The following SH3TC2 variants were observed in gnomAD, a reference collection of about 807,000 sequenced individuals.
The protein encoded by SH3TC2 is SH3 domain and tetratricopeptide repeats 2, also known as SH3 domain and tetratricopeptide repeat-containing protein 2.
A neutral mutation model predicts 124.5 loss-of-function variants in SH3TC2; 87 were observed. That is an observed-to-expected ratio of 0.70 (90% CI 0.59 to 0.84). SH3TC2 has a LOEUF of 0.84. Among genes scored for constraint, SH3TC2 ranks in the 40% least tolerant of loss-of-function variants. SH3TC2 has a pLI of 0.00. For missense variants in SH3TC2, 1,536 were observed against 1,566.4 expected (o/e 0.98, Z 0.33); for synonymous variants, 634 against 628.5 (o/e 1.01, Z -0.13).
intron 7 of SH3TC2, 100 bp from the exon 8 acceptor site, chr5:149,038,590 G>A: frequency 8.0e-7 from 1 of 1,252,250 alleles, no homozygotes; most frequent in East Asian, 2.3e-5. Flanking sequence ...CCAGACTTTA[G>A]AATGTCAAGG....
intron 8 of SH3TC2, chr5:149,035,809 A>C (rs2127399479): frequency 6.6e-6 from 1 of 152,292 alleles, no homozygotes; most frequent in African/African-American, 2.4e-5. Context: ...CTTACAACTA[A>C]GCCAGTGAAA....
In SH3TC2 at chr5:149,052,039, C is replaced by T; in HGVS notation, c.151+103G>A. On this transcript the variant is annotated intron_variant, in intron 2 of 16. Coordinates refer to ENST00000515425, the MANE Select transcript of SH3TC2 (RefSeq NM_024577.4). ...GCAAATAGCATAGTCAAAATCTTTT[C>T]ATCAAGAGGGAAAGAGGGAGGGGCT... is the stretch of plus-strand genomic sequence containing the variant. 1.0e-5 allele frequency: 9 copies of T among 858,628 alleles called. No individual in the cohort carries two copies. The South Asian group carries it at 1.1e-4, about 10-fold the overall frequency. The allele number at this position is 858,628 out of a possible 1,614,324, so 53.2% of individuals were successfully genotyped here. A position where few individuals can be genotyped will look rare whatever the true frequency, so the allele number is the denominator to read the frequency against.
At chr5:149,048,738 T>C (rs1316824549) in intron 2 of SH3TC2, among the ~76,000 whole-genome samples, 1 of 152,060 alleles carries the variant, frequency 6.6e-6, no homozygotes, top group Non-Finnish European at 1.5e-5. Flanking sequence ...AACATAATAG[T>C]TTCAGATGGA....
chr5:149,028,757 G>T, intron 9 of SH3TC2, 39 bp from the exon 10 acceptor site: 1 of 1,611,910 alleles, frequency 6.2e-7, no homozygotes, highest in Non-Finnish European at 8.5e-7. Context: ...GTTAGGTCAG[G>T]ATGGGCCACC....
rs769968712 is a variant in SH3TC2, at chr5:149,003,694, T to A, written c.*1017A>T. 3 of 389,178 alleles carry A rather than the reference T, an allele frequency of 7.7e-6. No homozygotes were observed. The highest frequency in any genetic ancestry group is 5.6e-5 in the South Asian group (3 of 53,558). The allele number at this position is 389,178 out of a possible 1,614,324, so 24.1% of individuals were successfully genotyped here. ...TGTAAAGCAGCTGCCCTGAAATCAA[T>A]AAGATGCCTTGTAGTTGGGTATGGC... On this transcript the variant is annotated 3_prime_UTR_variant, in exon 17 of 17. Transcript: ENST00000515425.
At position 148,992,069 on chromosome 5, in the gene SH3TC2, T is replaced by G. The variant is rs911452905; in HGVS notation, c.*12642A>C. Among the ~76,000 whole-genome samples the G allele has an allele frequency of 3.3e-5, 5 of 152,232 alleles. No individual in the cohort carries two copies. The highest frequency in any genetic ancestry group is 5.9e-5 in the Non-Finnish European group (4 of 68,042). On this transcript the variant is annotated 3_prime_UTR_variant, in exon 17 of 17. Coordinates refer to ENST00000515425, the MANE Select transcript of SH3TC2 (RefSeq NM_024577.4). ...AAAGCCCACCAGCTGCCACTTTGTATGACATAAAATTATCAGAACATGAAT... is the reference window on the plus strand; with the variant it reads ...AAAGCCCACCAGCTGCCACTTTGTAGGACATAAAATTATCAGAACATGAAT...
In SH3TC2 at chr5:149,003,871, A is replaced by C. The variant is rs1009669611; in HGVS notation, c.*840T>G. 3 of 372,954 alleles carry C rather than the reference A, an allele frequency of 8.0e-6. No individual in the cohort carries two copies. Among genetic ancestry groups the C allele is most frequent in the Non-Finnish European group, 1.6e-5 (3 of 189,338 alleles). The allele number at this position is 372,954 out of a possible 1,614,324, so 23.1% of individuals were successfully genotyped here. ...TCTCAAAAAAAAAAAAAAAAAAAAA[A>C]GACATGTATTGGTATTCTCTCCCAT... is the stretch of plus-strand genomic sequence containing the variant. On this transcript the variant is annotated 3_prime_UTR_variant, in exon 17 of 17. Transcript: ENST00000515425.
At chr5:149,024,107 C>G (rs1561763250) in intron 12 of SH3TC2, among the ~76,000 whole-genome samples, 1 of 152,114 alleles carries the variant, frequency 6.6e-6, no homozygotes, top group Non-Finnish European at 1.5e-5. Context: ...CACTAAAGAC[C>G]AAAAAGCCTG....
rs998304 is a variant in SH3TC2 at position 149,002,802 on chromosome 5, C to A, written c.*1909G>T. 0.23 allele frequency: 34,958 copies of A among 152,138 alleles called. 4,541 individuals are homozygous for A. The highest frequency in any genetic ancestry group is 0.32 in the African/African-American group (13,386 of 41,510). The allele number at this position is 152,138 out of a possible 1,614,324, so 9.4% of individuals were successfully genotyped here. On this transcript the variant is annotated 3_prime_UTR_variant, in exon 17 of 17. Coordinates refer to ENST00000515425, the MANE Select transcript of SH3TC2 (RefSeq NM_024577.4). Reference sequence around the variant, plus strand: ...AAAATGCATGTTCCTGGGATACATCCCAGATCTACTGAATCAGAATTATTA... The same window carrying A: ...AAAATGCATGTTCCTGGGATACATCACAGATCTACTGAATCAGAATTATTA...
intron 12 of SH3TC2, among the ~76,000 whole-genome samples, chr5:149,024,348 A>C (rs762457201): frequency 1.3e-5 from 2 of 152,230 alleles, no homozygotes; most frequent in Non-Finnish European, 2.9e-5. Flanking sequence ...TGTGCTAGAC[A>C]TAATGTCTGC....
In SH3TC2 at chr5:149,028,095, T is replaced by C; in HGVS notation, c.1637A>G (p.Gln546Arg). ...GGCCTCCTCGAAGTACACCCTGGCC[T>C]GAGAGAGTTTGACCTTCCTGATGCT... ...RLSIRKVKLS[Q>R]ARVYFEEAIH... The change falls in exon 11 of 17, where the codon CAG becomes CGG. Residue 546 changes from glutamine (Q) to arginine (R), a missense_variant. By Grantham distance (43) the Gln-to-Arg change is conservative. Coordinates refer to ENST00000515425, the MANE Select transcript of SH3TC2 (RefSeq NM_024577.4). 1 of 1,614,080 alleles carries C rather than the reference T, an allele frequency of 6.2e-7. No individual in the cohort carries two copies. Among genetic ancestry groups the C allele is most frequent in the South Asian group, 1.1e-5 (1 of 91,086 alleles).
chr5:149,027,790 G>T lies in SH3TC2; in HGVS notation c.1942C>A (p.Arg648=). 1 of 1,613,916 alleles carries T rather than the reference G, an allele frequency of 6.2e-7. No homozygotes were observed. Among genetic ancestry groups the T allele is most frequent in the Non-Finnish European group, 8.5e-7 (1 of 1,179,996 alleles). The part of the protein sequence containing the change: ...LAIRLLLSLG[R]HEEVLPFAER... ...GCAAAGGGCAGGACCTCCTCGTGCC[G>T]GCCTAGGCTCAGGAGCAAGCGGATG... The change falls in exon 11 of 17, where the codon CGG becomes AGG. Residue 648 remains arginine, a synonymous_variant. Coordinates refer to ENST00000515425, the MANE Select transcript of SH3TC2 (RefSeq NM_024577.4).
chr5:149,054,795 A>G (rs1754614091), intron 1 of SH3TC2, among the ~76,000 whole-genome samples: 1 of 152,110 alleles, frequency 6.6e-6, no homozygotes, highest in Non-Finnish European at 1.5e-5. Flanking sequence ...TCACTCATTT[A>G]CACCTGACCC....
chr5:149,031,566 C>A lies in SH3TC2; in HGVS notation c.1123G>T (p.Val375Phe). 1 of 1,614,150 alleles carries A rather than the reference C, an allele frequency of 6.2e-7. No homozygotes were observed. The highest frequency in any genetic ancestry group is 8.5e-7 in the Non-Finnish European group (1 of 1,180,030). The change falls in exon 9 of 17, where the codon GTC (valine) becomes TTC (phenylalanine). Residue 375 changes from valine (V) to phenylalanine (F), a missense_variant. Around this residue, in one of 3 missense-constraint regions of SH3TC2, gnomAD observed 1,102 missense variants for 1,098.6 expected, o/e 1.00. Transcript: ENST00000515425. ...GACCAACACTCACTGAGCCGGTAGA[C>A]AGATGTGATGTCAGTGCGAGCAAGA... The part of the protein sequence containing the change: ...HTLARTDITS[V>F]YRLSGFESIQ...
At chr5:149,008,703 C>G in intron 15 of SH3TC2, 148 bp downstream of exon 15, 4 of 1,103,056 alleles carry the variant, frequency 3.6e-6, no homozygotes, top group Non-Finnish European at 5.5e-6. Context: ...AGTTAAGCAA[C>G]TTGCTTAACT....
intron 8 of SH3TC2, among the ~76,000 whole-genome samples, chr5:149,034,786 A>G (rs895429726): frequency 2.0e-5 from 3 of 152,172 alleles, no homozygotes; most frequent in Non-Finnish European, 4.4e-5. Flanking sequence ...ATCAATAAAG[A>G]TGGTCAACAA....
In SH3TC2 at chr5:149,044,630, T is replaced by C; in HGVS notation, c.288A>G (p.Ser96=). 6.2e-7 allele frequency: 1 copy of C among 1,613,894 alleles called. No homozygotes were observed. The highest frequency in any genetic ancestry group is 8.5e-7 in the Non-Finnish European group (1 of 1,179,818). ...GAGACTGGATACTGACCAACCTTGC[T>C]GAGAGGTCCTACGTAAAGGAAACAA... ...QEVRMLFKDL[S]ARLVSIQSQR... Residue 96 remains serine (S), a synonymous_variant, in exon 4 of 17, where the codon TCA becomes TCG. Transcript: ENST00000515425.
At chr5:149,061,874 A>G (rs1034361958) in intron 1 of SH3TC2, among the ~76,000 whole-genome samples, 6 of 152,110 alleles carry the variant, frequency 3.9e-5, no homozygotes, top group African/African-American at 1.2e-4. Flanking sequence ...GTTCATAGCT[A>G]AAGTCGTGCC....
chr5:149,015,816 T>C (rs769798275), intron 12 of SH3TC2, among the ~76,000 whole-genome samples: 17 of 152,174 alleles, frequency 1.1e-4, no homozygotes, highest in Non-Finnish European at 4.4e-5. Context: ...ATGTCCTGTT[T>C]TGATGACAAA....
Sources: gnomAD v4.1 joint callset for allele counts (sites outside exome capture counted in the v4.1 genomes callset) on GRCh38, gnomAD v4.1.1 for gene constraint, gnomAD v4.1.1 regional missense constraint, MANE v1.5 for transcripts, NCBI Gene and HGNC (gene_info 2026-07-23, HGNC 2026-07-21) for gene names.